The following ITFG2 variants were observed in gnomAD, a reference collection of about 807,000 sequenced individuals.
ITFG2 encodes KICSTOR complex protein ITFG2.
Under a neutral mutation model 54.4 loss-of-function variants are expected in ITFG2, and 36 were observed. That is an observed-to-expected ratio of 0.66 (90% CI 0.51 to 0.87). The LOEUF is 0.87. Ranked by LOEUF, ITFG2 falls within the 40% of genes least tolerant of loss-of-function variation. The probability of loss-of-function intolerance (pLI) is 0.00; values close to 1 mark genes in which losing one functional copy is unlikely to be tolerated. For synonymous variants in ITFG2, 211 were observed against 225.4 expected (o/e 0.94, Z 0.57); for missense variants, 524 against 576.7 (o/e 0.91, Z 0.94).
chr12:2,835,408 G>T, upstream of ITFG2: 1 of 179,968 alleles, frequency 5.6e-6, no homozygotes, highest in Non-Finnish European at 1.1e-5. Flanking sequence ...CAGGGCTGGC[G>T]CGCAGGCCAG....
At chr12:2,833,516 G>A (rs1031108291), upstream of ITFG2, among the ~76,000 whole-genome samples, 7 of 152,008 alleles carry the variant, frequency 4.6e-5, no homozygotes, top group African/African-American at 1.5e-4. Flanking sequence ...TGCTGCACTG[G>A]CCTTCAGGTT....
At chr12:2,855,493 G>T (rs1024375713) in intron 2 of ITFG2, 28 of 1,349,414 alleles carry the variant, frequency 2.1e-5, no homozygotes, top group Admixed American at 2.1e-4. Context: ...GCAGACAGGG[G>T]TGCAGAAAGG....
chr12:2,833,633 A>G (rs1025288018), upstream of ITFG2, among the ~76,000 whole-genome samples: 1 of 152,052 alleles, frequency 6.6e-6, no homozygotes, highest in Non-Finnish European at 1.5e-5. Context: ...GGGACAGGGA[A>G]CCGAGTGCTC....
At chr12:2,821,888 C>A in intron 9 of ITFG2, 96 bp downstream of exon 9, 3 of 845,582 alleles carry the variant, frequency 3.5e-6, no homozygotes, top group Non-Finnish European at 5.6e-6. Flanking sequence ...TCCCAGGGAA[C>A]TCCCAACCTT....
In ITFG2 at chr12:2,824,155, CCA is replaced by C; in HGVS notation, c.1309_1310del (p.Gln437ValfsTer17). On this transcript the variant is annotated frameshift_variant, in exon 12 of 12. Transcript: ENST00000228799. LOFTEE classifies it high-confidence loss of function. ...AACGCTCTACCATCCAGACCAGCCA[CCA>C]CAGTGTGCTCCCTCAAGCCTCCAGG... Reference protein sequence around the residue: ...HQTLYHPDQPPQCAPSSLQDP... With the variant: ...HQTLYHPDQPXQCAPSSLQDP... The C allele has an allele frequency of 1.9e-6, 3 of 1,614,222 alleles. No homozygotes were observed. Among genetic ancestry groups the C allele is most frequent in the Non-Finnish European group, 2.5e-6 (3 of 1,180,038 alleles).
intron 6 of ITFG2, 97 bp from the exon 7 acceptor site, chr12:2,821,165 C>G (rs1450456113): frequency 5.9e-6 from 6 of 1,008,866 alleles, no homozygotes; most frequent in Non-Finnish European, 7.5e-6. Context: ...TAAGCTGATT[C>G]AAATCCCAGA....
In ITFG2 at chr12:2,821,775, G is replaced by A; in HGVS notation, c.931G>A (p.Glu311Lys). Reference protein sequence around the residue: ...VQVDHQLFALEKLDVTGNGHE... With the variant: ...VQVDHQLFALKKLDVTGNGHE... ...GGTGGATCACCAGCTCTTTGCCCTGGAGAAACTGGATGTCACCGTGAGTGG... is the reference window on the plus strand; with the variant it reads ...GGTGGATCACCAGCTCTTTGCCCTGAAGAAACTGGATGTCACCGTGAGTGG... Residue 311 changes from glutamate to lysine, a missense_variant, in exon 9 of 12, where the codon GAG becomes AAG. By Grantham distance (56) the Glu-to-Lys change is moderately conservative. Transcript: ENST00000228799. The A allele has an allele frequency of 6.2e-7, 1 of 1,613,960 alleles. No homozygotes were observed. The highest frequency in any genetic ancestry group is 8.5e-7 in the Non-Finnish European group (1 of 1,179,892).
intron 2 of ITFG2, among the ~76,000 whole-genome samples, chr12:2,850,475 C>CA (rs1275655927): frequency 0.29 from 20,186 of 70,354 alleles, 2,318 homozygotes; most frequent in South Asian, 0.36. Flanking sequence ...GACTCTGTCT[C>CA]AAAAAAAAAA....
At chr12:2,827,143 G>A (rs1048599654), downstream of ITFG2, 72 of 1,609,210 alleles carry the variant, frequency 4.5e-5, no homozygotes, top group African/African-American at 1.6e-4. This position sits in a 1 kb window ranked among gnomAD's most constrained non-coding sequence, Gnocchi z 4.0. Flanking sequence ...AAGAGCCCCC[G>A]TTCCCCACAC....
chr12:2,827,743 A>T (rs2097975886), downstream of ITFG2: 3 of 1,612,014 alleles, frequency 1.9e-6, no homozygotes, highest in East Asian at 6.7e-5. This position sits in a 1 kb window ranked among gnomAD's most constrained non-coding sequence, Gnocchi z 4.0. Flanking sequence ...CCCTCCTCTT[A>T]GCCGTTGCTC....
At chr12:2,855,207 C>G in intron 2 of ITFG2, 1 of 1,505,700 alleles carries the variant, frequency 6.6e-7, no homozygotes, top group Non-Finnish European at 8.9e-7. Context: ...AGGTGGCAGG[C>G]AGACGGCACA....
intron 4 of ITFG2, chr12:2,818,484 T>C: frequency 1.1e-6 from 1 of 929,426 alleles, no homozygotes; most frequent in South Asian, 1.7e-5. Flanking sequence ...CTCCTGGGCC[T>C]TATTATGAAG....
chr12:2,859,266 A>T, intron 3 of ITFG2: 1 of 1,613,746 alleles, frequency 6.2e-7, no homozygotes, highest in South Asian at 1.1e-5. Flanking sequence ...CGGCTCATCC[A>T]CACAGGGAGG....
chr12:2,848,911 ACTCCTTCCTTCC>A (rs2153928023), intron 2 of ITFG2: 1 of 357,290 alleles, frequency 2.8e-6, no homozygotes, highest in South Asian at 3.1e-5. Context: ...ACACACACAC[ACTCCTTCCTTCC>A]CACTTCTCCT....
chr12:2,836,069 C>G (rs1319706932), upstream of ITFG2, among the ~76,000 whole-genome samples: 1 of 152,226 alleles, frequency 6.6e-6, no homozygotes, highest in South Asian at 2.1e-4. Context: ...AACAATGCTG[C>G]TATGAATATT....
At position 2,816,905 on chromosome 12, in the gene ITFG2, C is replaced by G. The variant is rs563775286; in HGVS notation, c.97-318C>G. Among the ~76,000 whole-genome samples the G allele has an allele frequency of 5.9e-5, 9 of 152,164 alleles. No individual in the cohort carries two copies. The South Asian group carries it at 1.9e-3, about 32-fold the overall frequency. On this transcript the variant is annotated intron_variant, in intron 1 of 11. Transcript: ENST00000228799. The stretch of plus-strand genomic sequence containing the variant: ...AACCAATCCACCCGCCTCCACCTCC[C>G]AAAGTGCTGGGATTATAGGCATGAG...
rs991546294 is a variant in ITFG2 at position 2,855,633 on chromosome 12, G to A, written n.301-2379G>A. Among the ~76,000 whole-genome samples the A allele has an allele frequency of 3.9e-5, 6 of 152,154 alleles. No individual in the cohort carries two copies. In the East Asian group the frequency reaches 7.7e-4, roughly 20 times the overall value. Reference sequence around the variant, plus strand: ...TCCCGGCGGAAGTTATGGCTGCTGCGTATCATCTTCACAGTCACTCATCTT... The same window carrying A: ...TCCCGGCGGAAGTTATGGCTGCTGCATATCATCTTCACAGTCACTCATCTT... On this transcript the variant is annotated intron_variant and non_coding_transcript_variant, in intron 2 of 3. Transcript: ENST00000537710.
intron 2 of ITFG2, 120 bp downstream of exon 2, chr12:2,817,438 C>A: frequency 6.0e-6 from 4 of 662,656 alleles, no homozygotes; most frequent in African/African-American, 1.8e-5. Context: ...CTACTGGGCC[C>A]AGCCACTGAC....
rs1392741747 is a variant in ITFG2, at chr12:2,823,883, C to T, written c.1180C>T (p.Leu394=). ...GCTGGAGCGGATGGAGTCTACCAAT[C>T]TGGTGAAACTGCTGGAGACCAAGCC... ...VQLERMESTN[L]VKLLETKPEY... The change falls in exon 11 of 12, where the codon CTG becomes TTG. Residue 394 remains leucine (L), a synonymous_variant. Transcript: ENST00000228799. 1.2e-6 allele frequency: 2 copies of T among 1,613,474 alleles called. No individual in the cohort carries two copies. Among genetic ancestry groups the T allele is most frequent in the African/African-American group, 2.7e-5 (2 of 74,932 alleles).
Sources: allele counts gnomAD v4.1 joint callset (sites outside exome capture counted in the v4.1 genomes callset), GRCh38; gene constraint gnomAD v4.1.1; non-coding constraint Gnocchi (gnomAD v3.1); transcripts MANE v1.5; gene names NCBI Gene and HGNC (gene_info 2026-07-23, HGNC 2026-07-21).